Variants in GABRB2 observed in about 807,000 individuals in gnomAD.
The protein encoded by GABRB2 is gamma-aminobutyric acid receptor subunit beta-2.
Under a neutral mutation model 54.7 loss-of-function variants are expected in GABRB2, and 16 were observed. The ratio of observed to expected loss-of-function variants is 0.29; its 90% CI spans 0.20 to 0.44. GABRB2 has a LOEUF of 0.44. GABRB2 is among the 20% of genes least tolerant of loss of function. The probability of loss-of-function intolerance (pLI) is 1.00; values close to 1 mark genes in which losing one functional copy is unlikely to be tolerated. For synonymous variants in GABRB2, 244 were observed against 233.8 expected, an observed-to-expected ratio of 1.04 and a Z score of -0.40; for missense variants, 355 against 644.0, an observed-to-expected ratio of 0.55 and a Z score of 4.86.
rs1036922636 is a variant in GABRB2 at position 161,414,758 on chromosome 5, A to T, written c.459-3701T>A. On this transcript the variant is annotated intron_variant, in intron 4 of 9. Transcript: ENST00000393959. ...TAATTATTATTATAATAATAAAACA[A>T]ATATAACAATAAATAAAACAAAGGG... 7.9e-5 allele frequency among the ~76,000 whole-genome samples: 12 copies of T among 151,630 alleles called. No homozygotes were observed. The South Asian group carries it at 8.3e-4, about 10-fold the overall frequency.
chr5:161,336,717 T>C lies in GABRB2; in HGVS notation c.594A>G (p.Ala198=), dbSNP rs761307384. 75 of 1,613,198 alleles carry C rather than the reference T, an allele frequency of 4.6e-5. No individual in the cohort carries two copies. The highest frequency in any genetic ancestry group is 2.7e-4 in the Admixed American group (16 of 59,930). Residue 198 remains alanine (A), a synonymous_variant, in exon 6 of 10, where the codon GCA becomes GCG. Coordinates refer to ENST00000393959, the MANE Select transcript of GABRB2 (RefSeq NM_001371727.1). Reference sequence around the variant, plus strand: ...GTTCAATTTTCGTTACTCCTGTTACTGCATTATCATCGCCACGCCAGTAAA... The same window carrying C: ...GTTCAATTTTCGTTACTCCTGTTACCGCATTATCATCGCCACGCCAGTAAA... ...IEFYWRGDDN[A]VTGVTKIELP... is the part of the protein sequence containing the mutation.
intron 3 of GABRB2, among the ~76,000 whole-genome samples, chr5:161,481,119 C>T (rs1400004267): frequency 6.6e-6 from 1 of 151,860 alleles, no homozygotes; most frequent in African/African-American, 2.4e-5. Flanking sequence ...AGTGCCTTGC[C>T]AAGTGTGATA....
At chr5:161,439,420 A>G (rs1396262336) in intron 4 of GABRB2, among the ~76,000 whole-genome samples, 2 of 152,326 alleles carry the variant, frequency 1.3e-5, no homozygotes, top group East Asian at 3.9e-4. Context: ...TCCATCAGAA[A>G]AAAGGCCAAT....
At position 161,310,764 on chromosome 5, in the gene GABRB2, A is replaced by ATT. The variant is rs34428930; in HGVS notation, c.1191+15602_1191+15603dup. Among the ~76,000 whole-genome samples the ATT allele has an allele frequency of 7.9e-3, 1,105 of 139,124 alleles. 20 individuals are homozygous for ATT. Among genetic ancestry groups the ATT allele is most frequent in the South Asian group, 0.054 (238 of 4,444 alleles). The allele number at this position is 139,124 out of a possible 152,430, so 91.3% of individuals were successfully genotyped here. On this transcript the variant is annotated intron_variant, in intron 9 of 9. Transcript: ENST00000393959. ...AGAAAGTTTAAAGTTATGCTACAGC[A>ATT]TTTTTTTTTTTTTTTTGAGATGGAG...
chr5:161,454,554 C>T (rs1757893672), intron 4 of GABRB2, among the ~76,000 whole-genome samples: 1 of 152,154 alleles, frequency 6.6e-6, no homozygotes, highest in Non-Finnish European at 1.5e-5. Context: ...TCTATAATTT[C>T]CCATCCATGC....
chr5:161,469,154 G>T (rs1265720634), intron 3 of GABRB2, among the ~76,000 whole-genome samples: 1 of 151,728 alleles, frequency 6.6e-6, no homozygotes, highest in Non-Finnish European at 1.5e-5. Context: ...AATTATTTTT[G>T]TTAATCTGTG....
At chr5:161,515,944 G>A (rs1197642735) in intron 3 of GABRB2, among the ~76,000 whole-genome samples, 1 of 152,170 alleles carries the variant, frequency 6.6e-6, no homozygotes, top group African/African-American at 2.4e-5. Flanking sequence ...ACATGCAAAA[G>A]TCAGCCAGAT....
At chr5:161,324,781 C>G (rs1758315700) in intron 9 of GABRB2, among the ~76,000 whole-genome samples, 1 of 151,878 alleles carries the variant, frequency 6.6e-6, no homozygotes, top group African/African-American at 2.4e-5. Context: ...AAGACATAAC[C>G]AACATAGAAA....
chr5:161,483,217 C>A (rs1373541019), intron 3 of GABRB2, among the ~76,000 whole-genome samples: 1 of 151,888 alleles, frequency 6.6e-6, no homozygotes, highest in Non-Finnish European at 1.5e-5. Context: ...AACACCATTC[C>A]CAACCTTTTA....
At chr5:161,463,551 T>TATATATATATAAATATATA (rs1554102436) in intron 3 of GABRB2, among the ~76,000 whole-genome samples, 1 of 30,258 alleles carries the variant, frequency 3.3e-5, no homozygotes, top group African/African-American at 1.1e-4. Context: ...CCAAATATTT[T>TATATATATATAAATATATA]TATTTATATA....
intron 5 of GABRB2, among the ~76,000 whole-genome samples, chr5:161,396,526 C>G (rs1756008122): frequency 6.6e-6 from 1 of 152,172 alleles, no homozygotes; most frequent in Non-Finnish European, 1.5e-5. Context: ...AGTCTTTTTA[C>G]ATACTTTCTC....
At chr5:161,337,462 G>C (rs1489678841) in intron 5 of GABRB2, among the ~76,000 whole-genome samples, 1 of 152,070 alleles carries the variant, frequency 6.6e-6, no homozygotes, top group African/African-American at 2.4e-5. Context: ...TAAATGCATA[G>C]TGTACACTGG....
At chr5:161,511,546 A>G (rs574917095) in intron 3 of GABRB2, among the ~76,000 whole-genome samples, 1 of 152,018 alleles carries the variant, frequency 6.6e-6, no homozygotes, top group Admixed American at 6.6e-5. Context: ...TATATTATGT[A>G]TGTCTTGTTT....
chr5:161,457,557 T>C (rs1757993943), intron 4 of GABRB2, among the ~76,000 whole-genome samples: 1 of 151,646 alleles, frequency 6.6e-6, no homozygotes. Context: ...ACCATTCTCC[T>C]GCCTCAGCCT....
chr5:161,356,745 A>C (rs1754642545), intron 5 of GABRB2, among the ~76,000 whole-genome samples: 1 of 152,148 alleles, frequency 6.6e-6, no homozygotes, highest in Admixed American at 6.6e-5. Flanking sequence ...AGCAAACCAG[A>C]GATGCAGAGA....
At chr5:161,493,754 C>T (rs1301915747) in intron 3 of GABRB2, among the ~76,000 whole-genome samples, 1 of 151,706 alleles carries the variant, frequency 6.6e-6, no homozygotes, top group Non-Finnish European at 1.5e-5. Context: ...TGGATTGTTG[C>T]TGGTACAGAG....
chr5:161,308,699 A>G (rs991390712), intron 9 of GABRB2, among the ~76,000 whole-genome samples: 1 of 152,196 alleles, frequency 6.6e-6, no homozygotes, highest in Non-Finnish European at 1.5e-5. Context: ...AGGACCCAGA[A>G]ATAAGACCAC....
At chr5:161,369,456 T>C (rs1405116943) in intron 5 of GABRB2, among the ~76,000 whole-genome samples, 3 of 152,076 alleles carry the variant, frequency 2.0e-5, no homozygotes, top group Admixed American at 2.0e-4. Context: ...GAAATTTATA[T>C]GAGATGGATT....
chr5:161,290,879 A>G lies in GABRB2; in HGVS notation c.*3202T>C, dbSNP rs1757219334. The G allele has an allele frequency of 1.3e-5, 2 of 152,572 alleles. No individual in the cohort carries two copies. Among genetic ancestry groups the G allele is most frequent in the South Asian group, 2.1e-4 (1 of 4,824 alleles). 9.5% of individuals were successfully genotyped at this position (152,572 alleles called of 1,614,324 possible). On this transcript the variant is annotated 3_prime_UTR_variant, in exon 10 of 10. Transcript: ENST00000393959. ...GTGTTGTGCTTTTGTAAGCTGACAG[A>G]TTTTTTTGTGTGTGTTCCTAATGCT...
Sources: allele counts gnomAD v4.1 joint callset (sites outside exome capture counted in the v4.1 genomes callset), GRCh38; gene constraint gnomAD v4.1.1; transcripts MANE v1.5; gene names NCBI Gene and HGNC (gene_info 2026-07-23, HGNC 2026-07-21).